Variants in FAM3A observed in about 807,000 individuals in gnomAD.
FAM3A encodes the protein FAM3 metabolism regulating signaling molecule A.
FAM3A carries 5 observed loss-of-function variants against 18.1 expected under a neutral mutation model. That is an observed-to-expected ratio of 0.28 (90% CI 0.14 to 0.58). FAM3A has a LOEUF of 0.58. FAM3A is among the 20% of genes least tolerant of loss of function. The probability of loss-of-function intolerance (pLI) is 0.91; values close to 1 mark genes in which losing one functional copy is unlikely to be tolerated. For synonymous variants in FAM3A, 108 were observed against 90.2 expected, an observed-to-expected ratio of 1.20 and a Z score of -1.12; for missense variants, 154 against 216.6, an observed-to-expected ratio of 0.71 and a Z score of 1.81.
At chrX:154,513,045 G>T in intron 1 of FAM3A, 109 bp from the exon 2 acceptor site, 1 of 508,304 alleles carries the variant, frequency 2.0e-6, no homozygotes, top group Non-Finnish European at 3.4e-6. Context: ...GGAAGAAGTG[G>T]CTGGAGGACA....
intron 3 of FAM3A, chrX:154,511,511 A>T (rs1557222589): frequency 8.8e-6 from 2 of 226,104 alleles, no homozygotes; most frequent in African/African-American, 5.6e-5. Flanking sequence ...CAGAAGAAAG[A>T]ATCTCAGGCC....
At chrX:154,507,731 CAG>C in intron 6 of FAM3A, 78 bp downstream of exon 6, 1 of 982,702 alleles carries the variant, frequency 1.0e-6, no homozygotes, top group East Asian at 3.3e-5. Context: ...CAAGTACAGA[CAG>C]AGAGAGCAGT....
intron 3 of FAM3A, chrX:154,509,388 A>C (rs1220987980): frequency 8.8e-6 from 1 of 113,336 alleles, no homozygotes; most frequent in Non-Finnish European, 1.8e-5. Context: ...ATGGGGAGAG[A>C]ATCCATTTCT....
chrX:154,508,948 G>A (rs782034526), intron 3 of FAM3A: 4 of 306,362 alleles, frequency 1.3e-5, no homozygotes, highest in Non-Finnish European at 2.5e-5. Flanking sequence ...AGTGTGGCAG[G>A]GGGTAGTGTG....
intron 8 of FAM3A, 61 bp from the exon 9 acceptor site, chrX:154,506,967 A>T (rs781945490): frequency 4.9e-6 from 5 of 1,027,718 alleles, no homozygotes; most frequent in Non-Finnish European, 6.8e-6. Context: ...ACAGGAGTGG[A>T]CCAGGACCCA....
chrX:154,515,690 T>C (rs781809432), intron 1 of FAM3A, 70 bp downstream of exon 1: 9 of 1,137,011 alleles, frequency 7.9e-6, no homozygotes, highest in South Asian at 1.8e-5. Flanking sequence ...CAGACACAGA[T>C]GTCGCGACGC....
chrX:154,512,542 C>T, intron 2 of FAM3A: 1 of 343,590 alleles, frequency 2.9e-6, no homozygotes, highest in Non-Finnish European at 5.1e-6. Flanking sequence ...GGGCATCACT[C>T]CCCATGTTCA....
At chrX:154,514,251 T>A (rs919913078) in intron 1 of FAM3A, among the ~76,000 whole-genome samples, 7 of 111,918 alleles carry the variant, frequency 6.3e-5, no homozygotes, top group African/African-American at 2.3e-4. Flanking sequence ...TTTTTATTTT[T>A]TTTATTTTTG....
intron 1 of FAM3A, among the ~76,000 whole-genome samples, chrX:154,513,628 C>CAAAACA (rs1293764565): frequency 1.8e-5 from 2 of 109,786 alleles, no homozygotes; most frequent in East Asian, 5.8e-4. Flanking sequence ...GACTCTGCCT[C>CAAAACA]AAAACAAAAA....
chrX:154,512,629 T>C (rs1397324937), intron 2 of FAM3A, among the ~76,000 whole-genome samples, 194 bp downstream of exon 2: 3 of 111,281 alleles, frequency 2.7e-5, no homozygotes, highest in Non-Finnish European at 5.7e-5. Context: ...GGTATTGGCT[T>C]TCCTAGATGA....
chrX:154,511,325 T>G (rs782469186), intron 3 of FAM3A: 2 of 112,188 alleles, frequency 1.8e-5, no homozygotes, highest in African/African-American at 6.5e-5. Flanking sequence ...CTCTCTGATT[T>G]TATAGCTTGG....
At chrX:154,508,249 G>A (rs2069666367) in intron 5 of FAM3A, 40 bp downstream of exon 5, 2 of 1,044,538 alleles carry the variant, frequency 1.9e-6, no homozygotes, top group South Asian at 2.4e-5. Flanking sequence ...GAGGGAGCAG[G>A]GAAGGAGGGC....
rs182422569 is a variant in FAM3A at position 154,515,651 on chromosome X, C to T, written c.13+109G>A. ...TGTGCAGAGTCCTCCATTTCCAAAA[C>T]CAAACCCAGTGGTTCACCCGGGCCT... is the stretch of plus-strand genomic sequence containing the variant. On this transcript the variant is annotated intron_variant, in intron 1 of 8. Coordinates refer to ENST00000447601, the MANE Select transcript of FAM3A (RefSeq NM_021806.4). 2,107 of 920,564 alleles carry T rather than the reference C, an allele frequency of 2.3e-3. 8 individuals carry two copies. Among genetic ancestry groups the T allele is most frequent in the Non-Finnish European group, 1.8e-3 (1,110 of 633,555 alleles). 75.9% of individuals were successfully genotyped at this position (920,564 alleles called of 1,213,427 possible).
Position 154,507,220 on chromosome X carries a change from T to C in FAM3A, c.580A>G (p.Lys194Glu), listed in dbSNP as rs782658820. Residue 194 changes from lysine to glutamate, a missense_variant, in exon 8 of 9, where the codon AAG (lysine) becomes GAG (glutamate). Physicochemically the swap from Lys to Glu is moderately conservative, Grantham distance 56. This residue lies in a region of FAM3A where 39 missense variants were observed against 38.5 expected (regional missense o/e 1.01). Coordinates refer to ENST00000447601, the MANE Select transcript of FAM3A (RefSeq NM_021806.4). ...CCCCATACCTGCTCAAAGGGGCTCT[T>C]GTTCTGCACACCCTTGGCCCCGACA... ...VFVGAKGVQNKSPFEQHVKNS... is the reference protein window; with the variant it reads ...VFVGAKGVQNESPFEQHVKNS... 2.5e-6 allele frequency: 3 copies of C among 1,205,481 alleles called. No homozygotes were observed. In the South Asian group the frequency reaches 5.4e-5, roughly 22 times the overall value.
intron 3 of FAM3A, chrX:154,510,790 G>A (rs1250856462): frequency 9.0e-6 from 1 of 110,549 alleles, no homozygotes; most frequent in Non-Finnish European, 1.9e-5. Flanking sequence ...AGTTGGGTAT[G>A]GTGGCAGGTG....
In FAM3A at chrX:154,513,084, A is replaced by G; in HGVS notation, c.14-148T>C. ...AGGTGGAGACCTGTTGCCTTCTACC[A>G]GGGCTGAAAGGGAGACTTGAGCTCC... On this transcript the variant is annotated intron_variant, in intron 1 of 8. Coordinates refer to ENST00000447601, the MANE Select transcript of FAM3A (RefSeq NM_021806.4). 9.4e-6 allele frequency: 4 copies of G among 423,754 alleles called. No individual in the cohort carries two copies. In the Middle Eastern group the frequency reaches 1.6e-3, roughly 168 times the overall value. The allele number at this position is 423,754 out of a possible 1,213,427, so 34.9% of individuals were successfully genotyped here.
chrX:154,508,011 C>T, intron 5 of FAM3A, 150 bp from the exon 6 acceptor site: 1 of 556,883 alleles, frequency 1.8e-6, no homozygotes, highest in Non-Finnish European at 2.8e-6. Context: ...CTGCATCCCA[C>T]CCCAAGCCGT....
chrX:154,508,800 G>C (rs1237908771), intron 3 of FAM3A: 4 of 530,106 alleles, frequency 7.5e-6, no homozygotes, highest in Non-Finnish European at 1.4e-5. Context: ...AAGACAGAAG[G>C]ATTTTCTGTT....
chrX:154,508,516 G>A lies in FAM3A; in HGVS notation c.233C>T (p.Ala78Val). ...GATCTTGGGCCCAATGACGTTGGCG[G>A]CCCCGCTGACCACGCGGAAGGCCAG... ...EHLAFRVVSG[A>V]ANVIGPKICL... The change falls in exon 4 of 9, where the codon GCC becomes GTC. Residue 78 changes from alanine (A) to valine (V), a missense_variant. Physicochemically the swap from Ala to Val is moderately conservative, Grantham distance 64 (BLOSUM62 0). Around this residue, in one of 3 missense-constraint regions of FAM3A, gnomAD observed 112 missense variants for 160.0 expected, o/e 0.70. Transcript: ENST00000447601. 1 of 1,207,443 alleles carries A rather than the reference G, an allele frequency of 8.3e-7. No homozygotes were observed. Among genetic ancestry groups the A allele is most frequent in the African/African-American group, 1.7e-5 (1 of 57,933 alleles).
Sources: gnomAD v4.1 joint callset for allele counts (sites outside exome capture counted in the v4.1 genomes callset) on GRCh38, gnomAD v4.1.1 for gene constraint, gnomAD v4.1.1 regional missense constraint, MANE v1.5 for transcripts, NCBI Gene and HGNC (gene_info 2026-07-23, HGNC 2026-07-21) for gene names.